SHPK: variants seen among roughly 807,000 people sequenced by gnomAD.
The protein encoded by SHPK is carbohydrate kinase-like protein.
In SHPK, 51 loss-of-function variants were observed where a neutral mutation model predicts 46.3. The observed-to-expected ratio is 1.10, with a 90% CI of 0.88 to 1.39. SHPK has a LOEUF of 1.39. SHPK is among the 40% of genes most tolerant of loss of function. SHPK has a pLI of 0.00. For missense variants in SHPK, 668 were observed against 641.3 expected, an observed-to-expected ratio of 1.04 and a Z score of -0.45; for synonymous variants, 290 against 273.9, an observed-to-expected ratio of 1.06 and a Z score of -0.58.
In SHPK at chr17:3,610,613, C is replaced by G; in HGVS notation, c.1384G>C (p.Val462Leu). The G allele has an allele frequency of 1.2e-6, 2 of 1,613,650 alleles. No individual in the cohort carries two copies. Among genetic ancestry groups the G allele is most frequent in the Non-Finnish European group, 1.7e-6 (2 of 1,179,772 alleles). ...MSFGQDVDAA[V>L]GAALVMLRRH... The stretch of plus-strand genomic sequence containing the variant: ...CGGAGCATGACCAGAGCTGCCCCGA[C>G]AGCTGCATCCACATCCTGCCCAAAG... The change falls in exon 7 of 7, where the codon GTC (valine) becomes CTC (leucine). Residue 462 changes from valine (V) to leucine (L), a missense_variant. Physicochemically the swap from Val to Leu is conservative, Grantham distance 32 (BLOSUM62 1). Transcript: ENST00000225519.
At chr17:3,632,734 C>T (rs1463135793) in intron 1 of SHPK, among the ~76,000 whole-genome samples, 1 of 152,050 alleles carries the variant, frequency 6.6e-6, no homozygotes, top group African/African-American at 2.4e-5. Context: ...TACTTAGAAG[C>T]TCATTAAATC....
chr17:3,613,660 C>G (rs769248057), intron 6 of SHPK, among the ~76,000 whole-genome samples: 15 of 152,110 alleles, frequency 9.9e-5, no homozygotes, highest in Non-Finnish European at 1.6e-4. Flanking sequence ...TGAGCCACCG[C>G]GCCTGGCTAT....
intron 4 of SHPK, chr17:3,622,686 A>G (rs1414911813): frequency 7.4e-6 from 4 of 544,032 alleles, no homozygotes; most frequent in African/African-American, 4.2e-5. Context: ...CTTCAAGCCT[A>G]CTATCTCTAG....
intron 3 of SHPK, among the ~76,000 whole-genome samples, chr17:3,623,740 G>A (rs980099298): frequency 6.6e-6 from 1 of 152,194 alleles, no homozygotes; most frequent in African/African-American, 2.4e-5. Context: ...AAAAGCAGAC[G>A]TCAGCCTCCT....
chr17:3,613,529 T>C (rs1196131802), intron 6 of SHPK, among the ~76,000 whole-genome samples: 1 of 152,020 alleles, frequency 6.6e-6, no homozygotes, highest in Non-Finnish European at 1.5e-5. Context: ...CCACCACACC[T>C]GGCTAACTTT....
chr17:3,626,428 T>C (rs2075437574), intron 2 of SHPK, among the ~76,000 whole-genome samples: 1 of 151,990 alleles, frequency 6.6e-6, no homozygotes, highest in African/African-American at 2.4e-5. Flanking sequence ...TCAATACCTC[T>C]TAGCTCATCG....
chr17:3,611,108 C>T, intron 6 of SHPK, 136 bp from the exon 7 acceptor site: 1 of 828,780 alleles, frequency 1.2e-6, no homozygotes, highest in Non-Finnish European at 1.9e-6. Flanking sequence ...GTTCTGGGCT[C>T]AGGGACTGCT....
rs373395738 is a variant in SHPK, at chr17:3,625,791, G to A, written c.311-1560C>T. Among the ~76,000 whole-genome samples the A allele has an allele frequency of 9.8e-5, 15 of 152,292 alleles. 1 individual carries two copies. Among genetic ancestry groups the A allele is most frequent in the East Asian group, 7.7e-4 (4 of 5,186 alleles). On this transcript the variant is annotated intron_variant, in intron 2 of 6. Transcript: ENST00000225519. Reference sequence around the variant, plus strand: ...CTCCTGGTCAGGCACGGTGGCTCACGCCTATAATCCCAGCACTTCGGGAGG... The same window carrying A: ...CTCCTGGTCAGGCACGGTGGCTCACACCTATAATCCCAGCACTTCGGGAGG...
chr17:3,625,317 G>A (rs1000718405), intron 2 of SHPK, among the ~76,000 whole-genome samples: 8 of 152,124 alleles, frequency 5.3e-5, no homozygotes, highest in Admixed American at 1.3e-4. Context: ...CCTTGGTGAC[G>A]TGCTTGACCA....
At position 3,615,547 on chromosome 17, in the gene SHPK, G is replaced by T. The variant is rs199926876; in HGVS notation, c.824-10C>A. 1 of 1,613,306 alleles carries T rather than the reference G, an allele frequency of 6.2e-7. No individual in the cohort carries two copies. The highest frequency in any genetic ancestry group is 1.7e-5 in the Admixed American group (1 of 59,954). On this transcript the variant is annotated splice_polypyrimidine_tract_variant and intron_variant, in intron 5 of 6. Coordinates refer to ENST00000225519, the MANE Select transcript of SHPK (RefSeq NM_013276.4). ...GTGCTGATGTTGAGAACTGGGGTCC[G>T]AAGAGAGCAGAGCTTAGGCCTGTCG...
chr17:3,618,182 C>A (rs1466147221), intron 5 of SHPK, among the ~76,000 whole-genome samples: 1 of 152,124 alleles, frequency 6.6e-6, no homozygotes, highest in African/African-American at 2.4e-5. Context: ...TCTCAGCTCA[C>A]AGCAACTTCT....
chr17:3,633,163 T>C (rs1320817344), intron 1 of SHPK, among the ~76,000 whole-genome samples: 1 of 151,548 alleles, frequency 6.6e-6, no homozygotes, highest in Non-Finnish European at 1.5e-5. Context: ...TATTTTGTAG[T>C]AGAGACAGGG....
At chr17:3,623,307 G>C (rs2075413422) in intron 4 of SHPK, 32 bp downstream of exon 4, 13 of 1,612,652 alleles carry the variant, frequency 8.1e-6, no homozygotes, top group Admixed American at 1.7e-5. Context: ...GATTGGAGCA[G>C]GAGGAACAGC....
rs1301659889 is a variant in SHPK at position 3,630,348 on chromosome 17, T to TGGAAGCAAAAGAGAACACATG, written c.169-23_169-3dup. On this transcript the variant is annotated splice_polypyrimidine_tract_variant and splice_region_variant and intron_variant, in intron 1 of 6. Transcript: ENST00000225519. ...TCTACTCACATCCTGCTCCCGCCCCTGGAAGCAAAAGAGAACACATGGGCA... is the reference window on the plus strand; with the variant it reads ...TCTACTCACATCCTGCTCCCGCCCCTGGAAGCAAAAGAGAACACATGGGAAGCAAAAGAGAACACATGGGCA... 6.2e-7 allele frequency: 1 copy of TGGAAGCAAAAGAGAACACATG among 1,606,012 alleles called. No homozygotes were observed. The highest frequency in any genetic ancestry group is 8.5e-7 in the Non-Finnish European group (1 of 1,175,388).
In SHPK at chr17:3,610,613, C is replaced by A. The variant is rs1437622500; in HGVS notation, c.1384G>T (p.Val462Phe). ...MSFGQDVDAAVGAALVMLRRH... is the reference protein window; with the variant it reads ...MSFGQDVDAAFGAALVMLRRH... The stretch of plus-strand genomic sequence containing the variant: ...CGGAGCATGACCAGAGCTGCCCCGA[C>A]AGCTGCATCCACATCCTGCCCAAAG... Residue 462 changes from valine (V) to phenylalanine (F), a missense_variant, in exon 7 of 7, where the codon GTC (valine) becomes TTC (phenylalanine). Physicochemically the swap from Val to Phe is conservative, Grantham distance 50. Transcript: ENST00000225519. 2 of 1,613,650 alleles carry A rather than the reference C, an allele frequency of 1.2e-6. No homozygotes were observed. The highest frequency in any genetic ancestry group is 1.7e-6 in the Non-Finnish European group (2 of 1,179,772).
At chr17:3,619,865 C>T (rs1438779989) in intron 5 of SHPK, 3 of 299,602 alleles carry the variant, frequency 1.0e-5, no homozygotes, top group East Asian at 2.0e-4. Flanking sequence ...CTGTGAGCAC[C>T]TGACAACATG....
rs2075471589 is a variant in SHPK at position 3,631,511 on chromosome 17, G to GTTT, written c.169-1166_169-1165insAAA. ...AAAAATATACACTATCTAATTTAAT[G>GTTT]CTTTTTTTTTTTTTTTTTTTTTTTT... is the stretch of plus-strand genomic sequence containing the variant. On this transcript the variant is annotated intron_variant, in intron 1 of 6. Transcript: ENST00000225519. Among the ~76,000 whole-genome samples the GTTT allele has an allele frequency of 6.3e-4, 24 of 38,284 alleles. No individual in the cohort carries two copies. In the East Asian group the frequency reaches 9.4e-3, roughly 15 times the overall value. The allele number at this position is 38,284 out of a possible 152,430, so 25.1% of individuals were successfully genotyped here.
In SHPK at chr17:3,610,576, T is replaced by C. The variant is rs888072013; in HGVS notation, c.1421A>G (p.Asn474Ser). 5 of 1,600,070 alleles carry C rather than the reference T, an allele frequency of 3.1e-6. No individual in the cohort carries two copies. The highest frequency in any genetic ancestry group is 4.3e-6 in the Non-Finnish European group (5 of 1,168,950). Residue 474 changes from asparagine to serine, a missense_variant, in exon 7 of 7, where the codon AAC (asparagine) becomes AGC (serine). By Grantham distance (46) the Asn-to-Ser change is conservative. Transcript: ENST00000225519. ...GTTTGCTGTCTAAGATTCCTTCTGG[T>C]TGAGGTGTCTCCGGAGCATGACCAG... is the stretch of plus-strand genomic sequence containing the variant. ...AALVMLRRHL[N>S]QKES
Position 3,635,425 on chromosome 17 carries a change from C to G in SHPK, c.168+627G>C, listed in dbSNP as rs186484978. ...TAATTTTTTGTATTTTTAGTACAGA[C>G]GGGGTTTCACCGTGTTAGCCAGGAT... is the stretch of plus-strand genomic sequence containing the variant. On this transcript the variant is annotated intron_variant, in intron 1 of 6. Transcript: ENST00000225519. Among the ~76,000 whole-genome samples, 343 of 152,124 alleles carry G rather than the reference C, an allele frequency of 2.3e-3. 10 individuals are homozygous for G. In the East Asian group the frequency reaches 0.052, roughly 23 times the overall value.
Sources: gnomAD v4.1 joint callset for allele counts (sites outside exome capture counted in the v4.1 genomes callset) on GRCh38, gnomAD v4.1.1 for gene constraint, MANE v1.5 for transcripts, NCBI Gene and HGNC (gene_info 2026-07-23, HGNC 2026-07-21) for gene names.